Variants in UPP2 observed in about 807,000 individuals in gnomAD.
UPP2 encodes UPase 2.
A neutral mutation model predicts 26.7 loss-of-function variants in UPP2; 23 were observed. The ratio of observed to expected loss-of-function variants is 0.86; its 90% CI spans 0.62 to 1.22. UPP2 has a LOEUF of 1.22. UPP2 is among the 50% of genes most tolerant of loss of function. UPP2 has a pLI of 0.00. For synonymous variants in UPP2, 127 were observed against 141.3 expected, an observed-to-expected ratio of 0.90 and a Z score of 0.72; for missense variants, 387 against 396.7, an observed-to-expected ratio of 0.98 and a Z score of 0.21.
chr2:158,058,402 C>T (rs998709318), intron 3 of UPP2, among the ~76,000 whole-genome samples: 11 of 16,448 alleles, frequency 6.7e-4, no homozygotes, highest in African/African-American at 3.6e-3. Context: ...CTCTCTCTCT[C>T]TCTCTCTCCC....
chr2:158,080,155 A>G (rs764680875), intron 3 of UPP2, among the ~76,000 whole-genome samples: 8 of 152,222 alleles, frequency 5.3e-5, no homozygotes, highest in Non-Finnish European at 1.0e-4. Context: ...TTTAAAAAGT[A>G]TATGTTAAGA....
At chr2:158,114,544 CAAT>C (rs1424247490) in intron 2 of UPP2, among the ~76,000 whole-genome samples, 1 of 152,180 alleles carries the variant, frequency 6.6e-6, no homozygotes, top group Non-Finnish European at 1.5e-5. Flanking sequence ...CCCACATTTA[CAAT>C]AATAAGGCTT....
intron 3 of UPP2, 94 bp downstream of exon 3, chr2:158,115,353 C>T (rs528709530): frequency 2.6e-5 from 36 of 1,407,600 alleles, no homozygotes; most frequent in African/African-American, 1.6e-4. Context: ...CCTCCAGCTT[C>T]GCATTCTTAC....
At chr2:158,084,406 T>C (rs1455728686) in intron 3 of UPP2, among the ~76,000 whole-genome samples, 1 of 152,172 alleles carries the variant, frequency 6.6e-6, no homozygotes, top group Non-Finnish European at 1.5e-5. Flanking sequence ...TAGTCCTTTG[T>C]TGGATATATA....
intron 6 of UPP2, chr2:158,126,658 G>C (rs1486439218): frequency 6.6e-6 from 1 of 152,206 alleles, no homozygotes; most frequent in East Asian, 1.9e-4. Flanking sequence ...GGCACCTTTT[G>C]ATTTTAACCC....
chr2:157,995,189 C>T, exon 2 of UPP2: 1 of 1,613,576 alleles, frequency 6.2e-7, no homozygotes. Context: ...GGGACTTCAC[C>T]AGTGCTGCCA....
At chr2:158,072,372 C>T (rs1225345450) in intron 3 of UPP2, among the ~76,000 whole-genome samples, 1 of 152,210 alleles carries the variant, frequency 6.6e-6, no homozygotes, top group Non-Finnish European at 1.5e-5. Flanking sequence ...TTCTAGACAG[C>T]ATCTCTGTAC....
intron 3 of UPP2, among the ~76,000 whole-genome samples, chr2:158,091,030 G>A (rs1203698318): frequency 6.6e-6 from 1 of 152,206 alleles, no homozygotes; most frequent in Non-Finnish European, 1.5e-5. Flanking sequence ...TGGCACGTGG[G>A]TACAAAAACA....
At chr2:158,112,262 A>C (rs556554867) in intron 2 of UPP2, among the ~76,000 whole-genome samples, 1 of 152,310 alleles carries the variant, frequency 6.6e-6, no homozygotes, top group South Asian at 2.1e-4. Context: ...GATAGACATA[A>C]AGATCACTAG....
At chr2:157,998,090 T>C (rs1394088979) in intron 2 of UPP2, among the ~76,000 whole-genome samples, 1 of 152,166 alleles carries the variant, frequency 6.6e-6, no homozygotes, top group Non-Finnish European at 1.5e-5. Context: ...GTAGAGATTC[T>C]GGATTTAATG....
intron 3 of UPP2, among the ~76,000 whole-genome samples, chr2:158,040,946 A>G (rs904714249): frequency 2.0e-5 from 3 of 152,218 alleles, no homozygotes; most frequent in Non-Finnish European, 4.4e-5. Flanking sequence ...GAATAATTGC[A>G]TTGCCTATGT....
rs181045866 is a variant in UPP2, at chr2:158,094,799, G to C, written c.148-7241G>C. 3.7e-3 allele frequency among the ~76,000 whole-genome samples: 563 copies of C among 152,272 alleles called. 5 individuals are homozygous for C. The highest frequency in any genetic ancestry group is 0.013 in the African/African-American group (544 of 41,558). ...AATCTGTGGTGTGTGTTAGAGGTTA[G>C]GACTGAACCTTCCTTGAGTTCCCAG... is the stretch of plus-strand genomic sequence containing the variant. On this transcript the variant is annotated intron_variant, in intron 3 of 9. Transcript: ENST00000605860.
intron 6 of UPP2, among the ~76,000 whole-genome samples, chr2:158,131,191 A>T (rs192998101): frequency 6.6e-6 from 1 of 152,284 alleles, no homozygotes; most frequent in Admixed American, 6.5e-5. Context: ...AACCAGGAAG[A>T]GGTAGAAGAA....
At chr2:158,033,335 G>C (rs977796049) in intron 3 of UPP2, among the ~76,000 whole-genome samples, 4 of 152,172 alleles carry the variant, frequency 2.6e-5, no homozygotes, top group Non-Finnish European at 5.9e-5. Flanking sequence ...AAGGCTTACA[G>C]ATGCTCTCAC....
intron 3 of UPP2, among the ~76,000 whole-genome samples, chr2:158,036,903 C>G (rs926551081): frequency 7.2e-5 from 11 of 152,296 alleles, no homozygotes; most frequent in African/African-American, 2.4e-4. Context: ...ACCCCAAGGT[C>G]TTCTGTATGT....
Position 158,110,178 on chromosome 2 carries a change from G to C in UPP2, c.180+3962G>C, listed in dbSNP as rs369974420. ...ACTGCCCCCACCCCATGACAGGCCC[G>C]AGTGTGTGATGTTCCCCTTCCTGTG... On this transcript the variant is annotated intron_variant, in intron 2 of 6. Coordinates refer to ENST00000005756, the MANE Select transcript of UPP2 (RefSeq NM_173355.4). Among the ~76,000 whole-genome samples the C allele has an allele frequency of 1.0e-3, 159 of 152,010 alleles. 4 individuals carry two copies. In the South Asian group the frequency reaches 0.024, roughly 23 times the overall value.
Position 158,108,887 on chromosome 2 carries a change from CGTGTGTGTGTGT to C in UPP2, c.180+2706_180+2717del, listed in dbSNP as rs748328980. 1.4e-3 allele frequency among the ~76,000 whole-genome samples: 186 copies of C among 133,130 alleles called. 1 individual carries two copies. Among genetic ancestry groups the C allele is most frequent in the South Asian group, 6.5e-3 (24 of 3,716 alleles). The allele number at this position is 133,130 out of a possible 152,430, so 87.3% of individuals were successfully genotyped here. On this transcript the variant is annotated intron_variant, in intron 2 of 6. Transcript: ENST00000005756. ...CATTTTGATGAATAGGAGGCAAAAG[CGTGTGTGTGTGT>C]GTGTGTGTGTGTGTGTGTGTGTGTG...
intron 3 of UPP2, among the ~76,000 whole-genome samples, chr2:158,031,017 G>T (rs1683912774): frequency 6.6e-6 from 1 of 151,966 alleles, no homozygotes; most frequent in Non-Finnish European, 1.5e-5. Flanking sequence ...TAGATGAGTT[G>T]TGTTATTTTT....
At chr2:158,084,725 T>C (rs770141867) in intron 3 of UPP2, among the ~76,000 whole-genome samples, 6 of 152,172 alleles carry the variant, frequency 3.9e-5, no homozygotes, top group Non-Finnish European at 7.4e-5. Context: ...TTGCCAATTA[T>C]CCCTGCACAA....
Sources: allele counts gnomAD v4.1 joint callset (sites outside exome capture counted in the v4.1 genomes callset), GRCh38; gene constraint gnomAD v4.1.1; transcripts MANE v1.5; gene names NCBI Gene and HGNC (gene_info 2026-07-23, HGNC 2026-07-21).